The following TAF4B variants were observed in gnomAD, a reference collection of about 807,000 sequenced individuals.
TAF4B encodes TATA-box binding protein associated factor 4b.
In TAF4B, 38 loss-of-function variants were observed where a neutral mutation model predicts 86.4. The ratio of observed to expected loss-of-function variants is 0.44; its 90% CI spans 0.34 to 0.58. TAF4B has a LOEUF of 0.58. Among genes scored for constraint, TAF4B ranks in the 20% least tolerant of loss-of-function variants. The pLI, the probability that TAF4B is intolerant of heterozygous loss-of-function variation, is 0.02. For missense variants in TAF4B, 988 were observed against 1,027.6 expected, an observed-to-expected ratio of 0.96 and a Z score of 0.53; for synonymous variants, 388 against 391.2, an observed-to-expected ratio of 0.99 and a Z score of 0.10.
intron 13 of TAF4B, among the ~76,000 whole-genome samples, chr18:26,346,073 A>C (rs139852267): frequency 1.9e-3 from 293 of 152,296 alleles, no homozygotes; most frequent in African/African-American, 6.5e-3. Context: ...GGCTCAAGCT[A>C]TCCTCCCACC....
In TAF4B at chr18:26,293,499, T is replaced by C. The variant is rs1677016; in HGVS notation, c.1800T>C (p.Asn600=). The C allele has an allele frequency of 0.57, 902,686 of 1,582,460 alleles. 267,506 individuals carry two copies. Among genetic ancestry groups the C allele is most frequent in the East Asian group, 0.83 (36,420 of 43,630 alleles). Residue 600 remains asparagine (N), a synonymous_variant, in exon 9 of 15, where the codon AAT becomes AAC. Transcript: ENST00000269142. ...TTCAAGCATCTCCTACTCAGAAAAATAGAATAAAAGAGAATGTAACATCAT... is the reference window on the plus strand; with the variant it reads ...TTCAAGCATCTCCTACTCAGAAAAACAGAATAAAAGAGAATGTAACATCAT... The part of the protein sequence containing the change: ...LSLQASPTQK[N]RIKENVTSCF...
intron 14 of TAF4B, among the ~76,000 whole-genome samples, chr18:26,359,145 ATGCCCTTAATAT>A (rs1442178341): frequency 6.6e-6 from 1 of 152,138 alleles, no homozygotes; most frequent in Non-Finnish European, 1.5e-5. Context: ...ACCTATTATT[ATGCCCTTAATAT>A]TTTCCTCATT....
intron 14 of TAF4B, among the ~76,000 whole-genome samples, chr18:26,369,194 AAAAC>A (rs1464457395): frequency 1.3e-5 from 2 of 152,226 alleles, no homozygotes; most frequent in African/African-American, 4.8e-5. Flanking sequence ...ATATGGAAGA[AAAAC>A]AAGGCATGAA....
intron 7 of TAF4B, 137 bp downstream of exon 7, chr18:26,286,636 AC>A: frequency 3.0e-6 from 2 of 666,586 alleles, no homozygotes; most frequent in Non-Finnish European, 2.4e-6. Context: ...TTTTTTTTTT[AC>A]CTCATTTGCT....
At chr18:26,346,845 GTA>G (rs1243558379) in intron 13 of TAF4B, among the ~76,000 whole-genome samples, 1,394 of 13,918 alleles carry the variant, frequency 0.1, 288 homozygotes, top group African/African-American at 0.19. Flanking sequence ...ATGTGTGTGT[GTA>G]TATATATATA....
intron 1 of TAF4B, among the ~76,000 whole-genome samples, chr18:26,258,222 C>T (rs1368143018): frequency 1.4e-5 from 2 of 145,448 alleles, no homozygotes; most frequent in Non-Finnish European, 3.0e-5. Context: ...CCACTGCACT[C>T]AAGCCTGGTG....
intron 5 of TAF4B, among the ~76,000 whole-genome samples, chr18:26,281,212 G>A (rs915799408): frequency 3.3e-5 from 5 of 152,030 alleles, no homozygotes; most frequent in African/African-American, 1.2e-4. Flanking sequence ...CCTGGGTGAC[G>A]AGATCATCTG....
intron 14 of TAF4B, among the ~76,000 whole-genome samples, chr18:26,373,792 C>A (rs995793105): frequency 2.0e-5 from 3 of 152,078 alleles, no homozygotes; most frequent in Non-Finnish European, 2.9e-5. Context: ...TTCCTCCCTC[C>A]CTCCCTCTGT....
chr18:26,301,304 T>C (rs1427588364), intron 9 of TAF4B, among the ~76,000 whole-genome samples: 1 of 151,818 alleles, frequency 6.6e-6, no homozygotes, highest in Non-Finnish European at 1.5e-5. Context: ...TTTTTTTTTT[T>C]TTGAGACAGT....
chr18:26,280,499 T>C (rs1477410943), intron 5 of TAF4B, among the ~76,000 whole-genome samples: 1 of 152,066 alleles, frequency 6.6e-6, no homozygotes, highest in African/African-American at 2.4e-5. Flanking sequence ...GTAAACAACA[T>C]GAACAGACAT....
intron 14 of TAF4B, among the ~76,000 whole-genome samples, chr18:26,359,723 ATTTG>A (rs942914115): frequency 6.6e-6 from 1 of 151,804 alleles, no homozygotes; most frequent in African/African-American, 2.4e-5. Context: ...TTATTTACCT[ATTTG>A]TTTGTTTATG....
intron 14 of TAF4B, among the ~76,000 whole-genome samples, chr18:26,366,812 A>G (rs1173467401): frequency 6.6e-6 from 1 of 152,212 alleles, no homozygotes; most frequent in Non-Finnish European, 1.5e-5. Flanking sequence ...AGATAGTTCA[A>G]CCTAATACAA....
intron 9 of TAF4B, among the ~76,000 whole-genome samples, chr18:26,309,297 G>T (rs2056831203): frequency 8.8e-6 from 1 of 113,668 alleles, no homozygotes; most frequent in African/African-American, 3.1e-5. Context: ...GATAAAGTTG[G>T]AGCTATCAAG....
At chr18:26,281,057 A>G (rs1486153733) in intron 5 of TAF4B, among the ~76,000 whole-genome samples, 1 of 152,198 alleles carries the variant, frequency 6.6e-6, no homozygotes, top group African/African-American at 2.4e-5. Flanking sequence ...ACCAGATACT[A>G]CATGTTCTCA....
chr18:26,241,517 G>A (rs2055838506), intron 1 of TAF4B, among the ~76,000 whole-genome samples: 1 of 151,844 alleles, frequency 6.6e-6, no homozygotes, highest in Non-Finnish European at 1.5e-5. Context: ...TAATTTTGTT[G>A]ATCTTTTCAA....
chr18:26,286,243 T>A lies in TAF4B; in HGVS notation c.1334T>A (p.Val445Glu). The change falls in exon 7 of 15, where the codon GTG becomes GAG. Residue 445 changes from valine to glutamate, a missense_variant. Val to Glu is a moderately radical substitution (Grantham distance 121). Transcript: ENST00000269142. ...KPLVTSVANT[V>E]TTVSLQPEKP... Reference sequence around the variant, plus strand: ...CTTGTGACATCTGTGGCAAACACAGTGACCACGGTCTCACTGCAACCTGAA... The same window carrying A: ...CTTGTGACATCTGTGGCAAACACAGAGACCACGGTCTCACTGCAACCTGAA... 2 of 1,614,228 alleles carry A rather than the reference T, an allele frequency of 1.2e-6. No individual in the cohort carries two copies. The highest frequency in any genetic ancestry group is 1.7e-6 in the Non-Finnish European group (2 of 1,180,030).
chr18:26,285,262 C>T (rs1315511333), intron 6 of TAF4B, among the ~76,000 whole-genome samples: 1 of 47,932 alleles, frequency 2.1e-5, no homozygotes, highest in Non-Finnish European at 6.1e-5. Context: ...CTCTGTCACC[C>T]AGGCTAGAAT....
rs536872759 is a variant in TAF4B, at chr18:26,285,016, G to A, written c.973-866G>A. 2.7e-5 allele frequency among the ~76,000 whole-genome samples: 4 copies of A among 150,522 alleles called. 1 individual carries two copies. Among genetic ancestry groups the A allele is most frequent in the African/African-American group, 7.3e-5 (3 of 41,074 alleles). Reference sequence around the variant, plus strand: ...GAGGTTTTGCTCTGTCACCCAGGCTGGGGTGTAGTGGTGCGATCACAGCTC... The same window carrying A: ...GAGGTTTTGCTCTGTCACCCAGGCTAGGGTGTAGTGGTGCGATCACAGCTC... On this transcript the variant is annotated intron_variant, in intron 6 of 14. Transcript: ENST00000269142.
At chr18:26,318,316 A>G (rs540645791) in intron 10 of TAF4B, among the ~76,000 whole-genome samples, 3 of 151,760 alleles carry the variant, frequency 2.0e-5, no homozygotes, top group South Asian at 4.2e-4. Context: ...GTCGAATAAT[A>G]TGGAAAACTT....
Sources: allele counts gnomAD v4.1 joint callset (sites outside exome capture counted in the v4.1 genomes callset), GRCh38; gene constraint gnomAD v4.1.1; transcripts MANE v1.5; gene names NCBI Gene and HGNC (gene_info 2026-07-23, HGNC 2026-07-21).